Variants in CUX1 observed in about 807,000 individuals in gnomAD.
CUX1 encodes cut like homeobox 1.
A neutral mutation model predicts 158.8 loss-of-function variants in CUX1; 31 were observed. The ratio of observed to expected loss-of-function variants is 0.20; its 90% CI spans 0.15 to 0.26. The LOEUF (loss-of-function observed/expected upper bound fraction) is 0.26, where lower values mean the gene tolerates loss of function less well. Among genes scored for constraint, CUX1 ranks in the 10% least tolerant of loss-of-function variants. The pLI, the probability that CUX1 is intolerant of heterozygous loss-of-function variation, is 1.00. For missense variants in CUX1, 1,589 were observed against 2,014.6 expected (o/e 0.79, Z 4.04); for synonymous variants, 879 against 862.1 (o/e 1.02, Z -0.34).
chr7:102,264,038 C>T (rs1790621567), intron 14 of CUX1, among the ~76,000 whole-genome samples: 1 of 136,428 alleles, frequency 7.3e-6, no homozygotes, highest in East Asian at 2.1e-4. Context: ...CGGAGTCTTG[C>T]TCTGTCACCC....
At chr7:102,033,422 G>C (rs1208530186) in intron 3 of CUX1, among the ~76,000 whole-genome samples, 3 of 152,140 alleles carry the variant, frequency 2.0e-5, no homozygotes, top group Non-Finnish European at 4.4e-5. Context: ...CATTGCAAAA[G>C]TCATTTATTT....
At chr7:101,872,256 C>G (rs1798646645) in intron 1 of CUX1, among the ~76,000 whole-genome samples, 1 of 152,080 alleles carries the variant, frequency 6.6e-6, no homozygotes, top group Non-Finnish European at 1.5e-5. Flanking sequence ...GCTGCAGTCT[C>G]CCGAGTAGCT....
chr7:102,073,932 A>G (rs1826421149), intron 4 of CUX1, among the ~76,000 whole-genome samples: 1 of 152,220 alleles, frequency 6.6e-6, no homozygotes, highest in Admixed American at 6.5e-5. Flanking sequence ...TACATTCCAC[A>G]TAGATCCCTT....
At chr7:102,129,075 C>T (rs554884937) in intron 8 of CUX1, among the ~76,000 whole-genome samples, 3 of 152,316 alleles carry the variant, frequency 2.0e-5, no homozygotes, top group South Asian at 2.1e-4. Flanking sequence ...CACCTGGCAT[C>T]ACCTGGCACA....
chr7:102,186,264 C>T (rs1224200236), intron 11 of CUX1, among the ~76,000 whole-genome samples: 7 of 152,128 alleles, frequency 4.6e-5, no homozygotes, highest in Non-Finnish European at 1.0e-4. Flanking sequence ...ATCCATGGGA[C>T]CAGGTTACAG....
chr7:102,123,161 G>A (rs1217091066), intron 8 of CUX1, among the ~76,000 whole-genome samples: 1 of 151,976 alleles, frequency 6.6e-6, no homozygotes, highest in Non-Finnish European at 1.5e-5. Context: ...AACTTAGGAG[G>A]CAGAGGTTGC....
intron 1 of CUX1, among the ~76,000 whole-genome samples, chr7:101,849,090 C>T (rs1416651446): frequency 6.6e-6 from 1 of 152,088 alleles, no homozygotes; most frequent in Non-Finnish European, 1.5e-5. Context: ...GTAGTCAGCC[C>T]TGTCCTTCTC....
At chr7:102,150,659 G>A (rs781960628) in intron 8 of CUX1, among the ~76,000 whole-genome samples, 9 of 152,210 alleles carry the variant, frequency 5.9e-5, no homozygotes, top group African/African-American at 1.9e-4. Flanking sequence ...GGAGGCTTGC[G>A]TGAAAGTAAA....
At chr7:101,860,797 CTCT>C (rs1053723979) in intron 1 of CUX1, among the ~76,000 whole-genome samples, 8 of 139,554 alleles carry the variant, frequency 5.7e-5, no homozygotes, top group Admixed American at 8.1e-5. Flanking sequence ...TCCTTCCCCT[CTCT>C]TCTTCTCTCT....
chr7:102,198,937 T>G (rs1208523039), intron 16 of CUX1, 70 bp downstream of exon 16: 2 of 1,429,544 alleles, frequency 1.4e-6, no homozygotes, highest in African/African-American at 2.8e-5. Context: ...AGCTGTGTAT[T>G]TGGGTTAAAA....
At chr7:101,976,575 C>G (rs1017154975) in intron 2 of CUX1, among the ~76,000 whole-genome samples, 3 of 152,174 alleles carry the variant, frequency 2.0e-5, no homozygotes, top group Non-Finnish European at 4.4e-5. Flanking sequence ...TTGACTGTTT[C>G]TCCCATCAGC....
At chr7:102,045,422 G>A (rs573384974) in intron 3 of CUX1, among the ~76,000 whole-genome samples, 4 of 152,364 alleles carry the variant, frequency 2.6e-5, no homozygotes, top group South Asian at 2.1e-4. Context: ...CGCCACTGCC[G>A]GGTGCCACTG....
intron 1 of CUX1, among the ~76,000 whole-genome samples, chr7:101,820,728 T>C (rs1386126408): frequency 6.6e-6 from 1 of 152,232 alleles, no homozygotes; most frequent in African/African-American, 2.4e-5. Flanking sequence ...TAATCTTATT[T>C]TAACATATTT....
At chr7:102,185,677 G>A (rs1246402992) in intron 11 of CUX1, among the ~76,000 whole-genome samples, 4 of 150,944 alleles carry the variant, frequency 2.6e-5, no homozygotes, top group East Asian at 1.9e-4. Flanking sequence ...ATGCTCAAGC[G>A]AGCTACCACA....
At chr7:102,057,094 AG>A (rs1232119382) in intron 3 of CUX1, among the ~76,000 whole-genome samples, 5 of 140,896 alleles carry the variant, frequency 3.5e-5, no homozygotes, top group Non-Finnish European at 7.8e-5. Flanking sequence ...TTAGAGATGG[AG>A]TTTCACTGTG....
intron 8 of CUX1, 121 bp from the exon 9 acceptor site, chr7:102,158,439 A>G (rs1162039783): frequency 3.0e-5 from 25 of 842,726 alleles, no homozygotes; most frequent in Non-Finnish European, 4.6e-5. Flanking sequence ...CCTGCTGGAC[A>G]GCATTGACTC....
At chr7:102,023,826 C>T (rs934271872) in intron 2 of CUX1, among the ~76,000 whole-genome samples, 1 of 152,118 alleles carries the variant, frequency 6.6e-6, no homozygotes, top group Non-Finnish European at 1.5e-5. Context: ...CCCTCTTCAA[C>T]TGTCTTTAAA....
In CUX1 at chr7:102,248,597, A is replaced by G; in HGVS notation, c.4073A>G (p.Gln1358Arg). The G allele has an allele frequency of 6.8e-7, 1 of 1,468,178 alleles. No individual in the cohort carries two copies. The highest frequency in any genetic ancestry group is 9.0e-7 in the Non-Finnish European group (1 of 1,114,704). The allele number at this position is 1,468,178 out of a possible 1,614,324, so 90.9% of individuals were successfully genotyped here. A position where few individuals can be genotyped will look rare whatever the true frequency, so the allele number is the denominator to read the frequency against. The change falls in exon 24 of 24, where the codon CAG becomes CGG. Residue 1358 changes from glutamine to arginine, a missense_variant. Gln to Arg is a conservative substitution (Grantham distance 43, BLOSUM62 1). Transcript: ENST00000292535. This position sits in a 1 kb window ranked among gnomAD's most constrained non-coding sequence, Gnocchi z 5.8. ...GCCGACACCGAGGAGCCCAAGTCTC[A>G]GGGAGAGGCCGAGCGGGAGGAGGTG... ...GSADTEEPKS[Q>R]GEAEREEVPR...
Position 102,041,777 on chromosome 7 carries a change from C to T in CUX1, c.189+13632C>T, listed in dbSNP as rs183051343. Among the ~76,000 whole-genome samples, 5 of 150,072 alleles carry T rather than the reference C, an allele frequency of 3.3e-5. No individual in the cohort carries two copies. The South Asian group carries it at 1.0e-3, about 31-fold the overall frequency. ...CCACCTCCCGGGTTCAAGCGATTCTCCTGCCTCAGCCTCCCAAGTAGCTGG... is the reference window on the plus strand; with the variant it reads ...CCACCTCCCGGGTTCAAGCGATTCTTCTGCCTCAGCCTCCCAAGTAGCTGG... On this transcript the variant is annotated intron_variant, in intron 3 of 23. Coordinates refer to ENST00000292535, the MANE Select transcript of CUX1 (RefSeq NM_181552.4).
Sources: allele counts gnomAD v4.1 joint callset (sites outside exome capture counted in the v4.1 genomes callset), GRCh38; gene constraint gnomAD v4.1.1; non-coding constraint Gnocchi (gnomAD v3.1); transcripts MANE v1.5; gene names NCBI Gene and HGNC (gene_info 2026-07-23, HGNC 2026-07-21).